VDAC1: variants seen among roughly 807,000 people sequenced by gnomAD.
VDAC1 encodes voltage dependent anion channel 1, also known as non-selective voltage-gated ion channel VDAC1.
VDAC1 carries 10 observed loss-of-function variants against 34.7 expected under a neutral mutation model. The ratio of observed to expected loss-of-function variants is 0.29; its 90% CI spans 0.18 to 0.49. The LOEUF is 0.49. Ranked by LOEUF, VDAC1 falls within the 20% of genes least tolerant of loss-of-function variation. The probability of loss-of-function intolerance (pLI) is 0.99; values close to 1 mark genes in which losing one functional copy is unlikely to be tolerated. For missense variants in VDAC1, 230 were observed against 347.9 expected (o/e 0.66, Z 2.69); for synonymous variants, 130 against 136.0 (o/e 0.96, Z 0.30).
At chr5:134,017,609 G>A in the VDAC1 span, among the ~76,000 whole-genome samples, 2 of 152,092 alleles carry the variant, frequency 1.3e-5, no homozygotes, top group Admixed American at 6.6e-5. Flanking sequence ...ATAATAAATG[G>A]TGAGTAAACA....
the VDAC1 span, among the ~76,000 whole-genome samples, chr5:134,029,586 T>C: frequency 2.0e-5 from 3 of 152,250 alleles, no homozygotes; most frequent in Admixed American, 2.0e-4. Flanking sequence ...CTATTGAGCA[T>C]TCAAAATGTG....
intron 6 of VDAC1, among the ~76,000 whole-genome samples, chr5:133,977,700 T>C (rs71587507): frequency 0.1 from 15,474 of 152,240 alleles, 912 homozygotes; most frequent in South Asian, 0.21. Context: ...CAGTGCATAC[T>C]GGTGCCTGGT....
the VDAC1 span, among the ~76,000 whole-genome samples, chr5:134,021,995 C>G: frequency 6.6e-6 from 1 of 152,186 alleles, no homozygotes; most frequent in South Asian, 2.1e-4. Context: ...ATTCTCCTGC[C>G]TCAGCCTCCC....
chr5:133,996,830 C>T (rs1431534627), intron 1 of VDAC1, among the ~76,000 whole-genome samples: 1 of 152,160 alleles, frequency 6.6e-6, no homozygotes, highest in East Asian at 1.9e-4. Flanking sequence ...TAAGAGCTCC[C>T]TCTGCAGGCT....
chr5:134,005,206 C>G (rs1027462386), upstream of VDAC1: 5 of 152,272 alleles, frequency 3.3e-5, no homozygotes, highest in African/African-American at 1.2e-4. Context: ...TTGATGTGGC[C>G]GGCGCTGGAC....
At chr5:133,983,023 G>A (rs1752760031) in intron 5 of VDAC1, among the ~76,000 whole-genome samples, 1 of 152,030 alleles carries the variant, frequency 6.6e-6, no homozygotes, top group South Asian at 2.1e-4. Context: ...GCTGGGGCAG[G>A]CGGATCACCT....
At chr5:134,004,701 G>C (rs1257104536) in intron 1 of VDAC1, 194 bp downstream of exon 1, 2 of 151,638 alleles carry the variant, frequency 1.3e-5, no homozygotes, top group Admixed American at 1.3e-4. Context: ...CTGCGACGCG[G>C]AGGCAGGGAG....
At chr5:134,095,484 G>GTAAATAAATAAA in the VDAC1 span, among the ~76,000 whole-genome samples, 924 of 142,644 alleles carry the variant, frequency 6.5e-3, 5 homozygotes, top group Middle Eastern at 0.014. Context: ...CTCTGTCTCA[G>GTAAATAAATAAA]TAAATAAATA....
At chr5:134,042,440 G>A in the VDAC1 span, among the ~76,000 whole-genome samples, 1 of 152,316 alleles carries the variant, frequency 6.6e-6, no homozygotes, top group African/African-American at 2.4e-5. Flanking sequence ...CTTCTAGCCA[G>A]TAGGTGAGAC....
the VDAC1 span, among the ~76,000 whole-genome samples, chr5:134,021,846 C>T: frequency 2.0e-5 from 3 of 150,686 alleles, no homozygotes; most frequent in African/African-American, 4.9e-5. Flanking sequence ...CCAAGTAATA[C>T]TGGAGCAGTA....
the VDAC1 span, among the ~76,000 whole-genome samples, chr5:134,022,880 T>A: frequency 6.6e-6 from 1 of 151,980 alleles, no homozygotes; most frequent in Non-Finnish European, 1.5e-5. Flanking sequence ...TTGGTGGGAG[T>A]GTAAATTAGT....
At chr5:134,004,645 A>G (rs1753691301) in intron 1 of VDAC1, 1 of 151,690 alleles carries the variant, frequency 6.6e-6, no homozygotes, top group Non-Finnish European at 1.5e-5. Flanking sequence ...CGCTGCGCCT[A>G]CCTCAGAGGA....
At chr5:133,991,784 G>A (rs1753113919) in intron 3 of VDAC1, among the ~76,000 whole-genome samples, 2 of 151,920 alleles carry the variant, frequency 1.3e-5, no homozygotes, top group African/African-American at 2.4e-5. Flanking sequence ...TGCGGGCCAG[G>A]TCACGACAGT....
the VDAC1 span, among the ~76,000 whole-genome samples, chr5:134,017,947 G>A: frequency 1.1e-4 from 16 of 152,280 alleles, no homozygotes; most frequent in African/African-American, 3.8e-4. Flanking sequence ...CTGAATAGAT[G>A]ATGAATGACG....
chr5:134,015,215 G>A, the VDAC1 span, among the ~76,000 whole-genome samples: 2 of 151,990 alleles, frequency 1.3e-5, no homozygotes, highest in African/African-American at 4.8e-5. Flanking sequence ...ACAAGAGAGG[G>A]GAGGGAGGGA....
At chr5:134,088,536 C>T in the VDAC1 span, among the ~76,000 whole-genome samples, 15 of 152,336 alleles carry the variant, frequency 9.8e-5, no homozygotes, top group African/African-American at 3.4e-4. Flanking sequence ...GAGAAGGAGG[C>T]AAACTGGGGA....
chr5:133,980,919 C>T lies in VDAC1; in HGVS notation c.361G>A (p.Glu121Lys). The T allele has an allele frequency of 4.3e-6, 7 of 1,614,030 alleles. No homozygotes were observed. Among genetic ancestry groups the T allele is most frequent in the Non-Finnish European group, 5.9e-6 (7 of 1,180,004 alleles). The stretch of plus-strand genomic sequence containing the variant: ...ATGTCGCAGCCCAGGTTAATGTGCT[C>T]CCGCTTGTACCCTGTCTTGATTTTA... ...NAKIKTGYKR[E>K]HINLGCDMDF... The change falls in exon 6 of 9, where the codon GAG (glutamate) becomes AAG (lysine). Residue 121 changes from glutamate to lysine, a missense_variant. Physicochemically the swap from Glu to Lys is moderately conservative, Grantham distance 56. Transcript: ENST00000265333.
the VDAC1 span, among the ~76,000 whole-genome samples, chr5:134,018,129 G>A: frequency 6.6e-6 from 1 of 152,210 alleles, no homozygotes; most frequent in Non-Finnish European, 1.5e-5. Context: ...GCACAAAAAA[G>A]CATGGTGCGG....
chr5:133,975,738 C>T (rs1370665003), intron 7 of VDAC1, 133 bp downstream of exon 7: 21 of 1,384,520 alleles, frequency 1.5e-5, no homozygotes, highest in African/African-American at 2.9e-5. Flanking sequence ...GGATTACAGG[C>T]GTGAGTCACG....
Sources: allele counts gnomAD v4.1 joint callset (sites outside exome capture counted in the v4.1 genomes callset), GRCh38; gene constraint gnomAD v4.1.1; transcripts MANE v1.5; gene names NCBI Gene and HGNC (gene_info 2026-07-23, HGNC 2026-07-21).